The following NUFIP1 variants were observed in gnomAD, a reference collection of about 807,000 sequenced individuals.
NUFIP1 encodes FMR1-interacting protein NUFIP1.
Under a neutral mutation model 56.2 loss-of-function variants are expected in NUFIP1, and 38 were observed. That is an observed-to-expected ratio of 0.68 (90% confidence interval 0.52 to 0.89). The LOEUF is 0.89. Ranked by LOEUF, NUFIP1 falls within the 40% of genes least tolerant of loss-of-function variation. The pLI is 0.00. For synonymous variants in NUFIP1, 215 were observed against 212.4 expected (o/e 1.01, Z -0.10); for missense variants, 567 against 605.8 (o/e 0.94, Z 0.67).
At chr13:44,986,687 A>G (rs554445736) in intron 1 of NUFIP1, among the ~76,000 whole-genome samples, 108 of 145,934 alleles carry the variant, frequency 7.4e-4, no homozygotes, top group Non-Finnish European at 1.3e-3. Flanking sequence ...GCAAGACTCC[A>G]TCTCAAAAAA....
intron 6 of NUFIP1, among the ~76,000 whole-genome samples, chr13:44,961,581 A>G (rs1871426491): frequency 6.6e-6 from 1 of 152,232 alleles, no homozygotes; most frequent in Non-Finnish European, 1.5e-5. Flanking sequence ...GGAGAATCTC[A>G]TTACAAAAAT....
rs1311474983 is a variant in NUFIP1, at chr13:44,989,254, A to T, written c.183T>A (p.Pro61=). ...CCATGGGGGGCTGCGACTCAGAGGAAGGCTTTGACCCGGCTGCGGGAAGCG... is the reference window on the plus strand; with the variant it reads ...CCATGGGGGGCTGCGACTCAGAGGATGGCTTTGACCCGGCTGCGGGAAGCG... The part of the protein sequence containing the change: ...TSSLPAAGSK[P]SSESQPPMEA... The change falls in exon 1 of 10, where the codon CCT becomes CCA. Residue 61 remains proline, a synonymous_variant. Transcript: ENST00000379161. 3.1e-6 allele frequency: 5 copies of T among 1,613,192 alleles called. No individual in the cohort carries two copies. The highest frequency in any genetic ancestry group is 4.2e-6 in the Non-Finnish European group (5 of 1,179,758).
intron 8 of NUFIP1, among the ~76,000 whole-genome samples, chr13:44,947,234 C>CTTTTT (rs899115570): frequency 4.0e-5 from 5 of 124,292 alleles, no homozygotes; most frequent in Non-Finnish European, 8.5e-5. Context: ...AAGCTTATTC[C>CTTTTT]TTTTTTTTTT....
At chr13:44,970,116 C>T (rs1007509856) in intron 5 of NUFIP1, among the ~76,000 whole-genome samples, 2 of 152,164 alleles carry the variant, frequency 1.3e-5, no homozygotes, top group Admixed American at 6.5e-5. Context: ...ATAATAAAAG[C>T]AAGGTTTTGG....
At chr13:44,948,929 G>C (rs912415722) in intron 8 of NUFIP1, among the ~76,000 whole-genome samples, 2 of 152,092 alleles carry the variant, frequency 1.3e-5, no homozygotes, top group African/African-American at 4.8e-5. Flanking sequence ...GCAGACACAA[G>C]TATAAGGTTG....
chr13:44,957,695 C>CTT (rs879515211), intron 7 of NUFIP1, among the ~76,000 whole-genome samples: 2 of 147,574 alleles, frequency 1.4e-5, no homozygotes, highest in African/African-American at 5.0e-5. Context: ...TACTGAAATA[C>CTT]TTTTTTTTTT....
intron 1 of NUFIP1, among the ~76,000 whole-genome samples, chr13:44,987,910 T>A (rs1043100910): frequency 6.6e-6 from 1 of 152,128 alleles, no homozygotes; most frequent in African/African-American, 2.4e-5. Context: ...CTTACCCTCC[T>A]CCCCCATCTT....
chr13:44,956,141 CAA>C (rs371458350), intron 7 of NUFIP1, among the ~76,000 whole-genome samples: 41 of 61,466 alleles, frequency 6.7e-4, no homozygotes, highest in East Asian at 2.1e-3. Flanking sequence ...GACTCCGTCT[CAA>C]AAAAAAAAAA....
intron 7 of NUFIP1, among the ~76,000 whole-genome samples, chr13:44,957,091 T>C (rs888249773): frequency 4.6e-5 from 7 of 152,222 alleles, no homozygotes; most frequent in African/African-American, 1.7e-4. Flanking sequence ...TGGGTAATTT[T>C]TATATTCAAG....
chr13:44,977,968 G>A (rs983528202), intron 5 of NUFIP1, among the ~76,000 whole-genome samples: 2 of 152,188 alleles, frequency 1.3e-5, no homozygotes, highest in African/African-American at 4.8e-5. Flanking sequence ...AGAATCACTT[G>A]AAACCAGCAG....
chr13:44,964,397 G>A (rs1226456512), intron 6 of NUFIP1, among the ~76,000 whole-genome samples: 3 of 152,114 alleles, frequency 2.0e-5, no homozygotes, highest in Middle Eastern at 3.2e-3. Context: ...ATGACACAGG[G>A]CATGAAGCAA....
rs144325167 is a variant in NUFIP1, at chr13:44,948,659, T to C, written c.1138+1063A>G. ...TATTCATTAAACATATGCTGGATTA[T>C]TGATATAAACCTTGGATTAAAAACT... On this transcript the variant is annotated intron_variant, in intron 8 of 9. Transcript: ENST00000379161. Among the ~76,000 whole-genome samples, 39 of 152,310 alleles carry C rather than the reference T, an allele frequency of 2.6e-4. No homozygotes were observed. The East Asian group carries it at 6.4e-3, about 25-fold the overall frequency.
intron 7 of NUFIP1, among the ~76,000 whole-genome samples, chr13:44,954,519 GCC>G (rs1447988005): frequency 2.6e-5 from 4 of 152,098 alleles, no homozygotes; most frequent in Admixed American, 2.0e-4. Context: ...AAATAACATT[GCC>G]CTTTGAATGC....
intron 1 of NUFIP1, among the ~76,000 whole-genome samples, chr13:44,986,245 A>G (rs1240973794): frequency 6.6e-6 from 1 of 152,124 alleles, no homozygotes; most frequent in Non-Finnish European, 1.5e-5. Flanking sequence ...TACCATTAAG[A>G]ACATTCATGA....
intron 2 of NUFIP1, 46 bp from the exon 3 acceptor site, chr13:44,980,866 G>T: frequency 8.1e-7 from 1 of 1,228,994 alleles, no homozygotes; most frequent in Non-Finnish European, 1.2e-6. Context: ...TGAAAAATCT[G>T]TAATCAATAA....
At chr13:44,966,343 C>G (rs947423109) in intron 5 of NUFIP1, among the ~76,000 whole-genome samples, 1 of 152,050 alleles carries the variant, frequency 6.6e-6, no homozygotes, top group Non-Finnish European at 1.5e-5. Context: ...GAGTCGGAGT[C>G]TCGTTCTGTC....
intron 1 of NUFIP1, among the ~76,000 whole-genome samples, 184 bp downstream of exon 1, chr13:44,988,841 C>T (rs1872536258): frequency 6.6e-6 from 1 of 152,160 alleles, no homozygotes; most frequent in Non-Finnish European, 1.5e-5. Flanking sequence ...ACAGGCATGC[C>T]ACCATGCCTG....
At chr13:44,970,655 A>G (rs73179685) in intron 5 of NUFIP1, among the ~76,000 whole-genome samples, 1 of 152,172 alleles carries the variant, frequency 6.6e-6, no homozygotes, top group Non-Finnish European at 1.5e-5. Context: ...AAGTAAGTAT[A>G]TTTTTGTAAC....
chr13:44,961,548 C>T (rs1385167171), intron 6 of NUFIP1, among the ~76,000 whole-genome samples: 1 of 151,882 alleles, frequency 6.6e-6, no homozygotes, highest in South Asian at 2.1e-4. Context: ...ATTTTTAATC[C>T]CTTTAGGGTC....
Sources: allele counts gnomAD v4.1 joint callset (sites outside exome capture counted in the v4.1 genomes callset), GRCh38; gene constraint gnomAD v4.1.1; transcripts MANE v1.5; gene names NCBI Gene and HGNC (gene_info 2026-07-23, HGNC 2026-07-21).